The following SUCO variants were observed in gnomAD, a reference collection of about 807,000 sequenced individuals.
SUCO encodes the protein SUN domain containing ossification factor, also known as SUN domain-containing ossification factor.
A neutral mutation model predicts 148.1 loss-of-function variants in SUCO; 57 were observed. The ratio of observed to expected loss-of-function variants is 0.38; its 90% confidence interval spans 0.31 to 0.48. SUCO has a LOEUF of 0.48. Among genes scored for constraint, SUCO ranks in the 20% least tolerant of loss-of-function variants. The pLI, the probability that SUCO is intolerant of heterozygous loss-of-function variation, is 0.96. For synonymous variants in SUCO, 470 were observed against 502.7 expected, an observed-to-expected ratio of 0.93 and a Z score of 0.87; for missense variants, 1,331 against 1,468.2, an observed-to-expected ratio of 0.91 and a Z score of 1.53.
At chr1:172,536,211 G>A (rs1652000696) in intron 1 of SUCO, among the ~76,000 whole-genome samples, 1 of 152,154 alleles carries the variant, frequency 6.6e-6, no homozygotes, top group Admixed American at 6.5e-5. Context: ...CAGCTGTTAA[G>A]CTTCGGAGCT....
intron 1 of SUCO, chr1:172,543,080 T>G: frequency 2.2e-6 from 2 of 916,638 alleles, no homozygotes; most frequent in Non-Finnish European, 2.6e-6. Flanking sequence ...TTCATACTTG[T>G]ATGCTGCAAC....
At position 172,608,910 on chromosome 1, in the gene SUCO, T is replaced by A. The variant is rs145876292; in HGVS notation, c.3321+108T>A. 738 of 763,454 alleles carry A rather than the reference T, an allele frequency of 9.7e-4. 7 individuals are homozygous for A. In the East Asian group the frequency reaches 0.018, roughly 18 times the overall value. The allele number at this position is 763,454 out of a possible 1,614,324, so 47.3% of individuals were successfully genotyped here. A position where few individuals can be genotyped will look rare whatever the true frequency, so the allele number is the denominator to read the frequency against. On this transcript the variant is annotated intron_variant, in intron 23 of 23. Transcript: ENST00000263688. Reference sequence around the variant, plus strand: ...TACCTTTAAGTAGTCCTTAACTGAATGTTTATTTTCTATCATGATAATGTT... The same window carrying A: ...TACCTTTAAGTAGTCCTTAACTGAAAGTTTATTTTCTATCATGATAATGTT...
At chr1:172,590,322 T>A (rs1571267727) in intron 18 of SUCO, 1 of 984,352 alleles carries the variant, frequency 1.0e-6, no homozygotes. Context: ...CTTAAGAGTT[T>A]AGATAAGTGA....
chr1:172,564,675 C>G (rs374420049), intron 6 of SUCO, among the ~76,000 whole-genome samples: 2 of 151,702 alleles, frequency 1.3e-5, no homozygotes, highest in Non-Finnish European at 2.9e-5. Context: ...TGGACTAATA[C>G]GTTGTCCTAT....
chr1:172,602,104 T>C lies in SUCO; in HGVS notation c.3059T>C (p.Leu1020Pro). Residue 1020 changes from leucine to proline, a missense_variant, in exon 21 of 24, where the codon CTT (leucine) becomes CCT (proline). By Grantham distance (98) the Leu-to-Pro change is moderately conservative. Around this residue, in one of 3 missense-constraint regions of SUCO, gnomAD observed 334 missense variants for 352.3 expected, o/e 0.95. Coordinates refer to ENST00000263688, the MANE Select transcript of SUCO (RefSeq NM_014283.5). ...AGCTATCTTGTCATATCTTTGGTTC[T>C]TTGTGTTGTCTTGGGACTGATGCTT... The part of the protein sequence containing the change: ...RQSYLVISLV[L>P]CVVLGLMLCM... 6.2e-7 allele frequency: 1 copy of C among 1,613,214 alleles called. No homozygotes were observed. Among genetic ancestry groups the C allele is most frequent in the Non-Finnish European group, 8.5e-7 (1 of 1,179,662 alleles).
chr1:172,595,257 T>C (rs927019384), intron 19 of SUCO, among the ~76,000 whole-genome samples: 2 of 152,232 alleles, frequency 1.3e-5, no homozygotes, highest in Non-Finnish European at 2.9e-5. Flanking sequence ...TGTCTTTTAA[T>C]TGGAGCTTTT....
intron 23 of SUCO, chr1:172,609,588 G>A (rs182006073): frequency 1.0e-6 from 1 of 985,054 alleles, no homozygotes; most frequent in African/African-American, 1.7e-5. Context: ...ATATTCATAG[G>A]TAGCAGGTAA....
At chr1:172,587,974 C>A in intron 17 of SUCO, 1 of 531,288 alleles carries the variant, frequency 1.9e-6, no homozygotes, top group Non-Finnish European at 2.4e-6. Context: ...ACATACTCCA[C>A]AGCCTCAAAA....
In SUCO at chr1:172,550,158, T is replaced by G. The variant is rs1653181608; in HGVS notation, c.63-1354T>G. Among the ~76,000 whole-genome samples, 4 of 151,972 alleles carry G rather than the reference T, an allele frequency of 2.6e-5. No homozygotes were observed. In the South Asian group the frequency reaches 8.3e-4, roughly 31 times the overall value. On this transcript the variant is annotated intron_variant, in intron 1 of 23. Transcript: ENST00000263688. ...TTGCTGTAATTACTGTAGTTTCATATAGATCTAGCCCCTCATATAAGAATA... is the reference window on the plus strand; with the variant it reads ...TTGCTGTAATTACTGTAGTTTCATAGAGATCTAGCCCCTCATATAAGAATA...
At chr1:172,587,171 ATAT>A (rs928548286) in intron 17 of SUCO, among the ~76,000 whole-genome samples, 7 of 151,964 alleles carry the variant, frequency 4.6e-5, no homozygotes, top group African/African-American at 1.7e-4. Context: ...TTATTTTTCC[ATAT>A]TAGTTTTTTA....
intron 19 of SUCO, among the ~76,000 whole-genome samples, chr1:172,596,837 C>G (rs1657138796): frequency 6.6e-6 from 1 of 152,228 alleles, no homozygotes. Context: ...ACGTTTAAGT[C>G]TGCAGAAATT....
rs371342433 is a variant in SUCO, at chr1:172,555,913, C to A, written c.333C>A (p.Leu111=). Residue 111 remains leucine, a synonymous_variant, in exon 4 of 24, where the codon CTC becomes CTA. Coordinates refer to ENST00000263688, the MANE Select transcript of SUCO (RefSeq NM_014283.5). The part of the protein sequence containing the change: ...KKLSPPVVET[L]PTVDLHEESS... The stretch of plus-strand genomic sequence containing the variant: ...TAAGTCCACCGGTGGTGGAGACACT[C>A]CCTACAGTTGATTTGCATGAAGAGT... 1.2e-5 allele frequency: 20 copies of A among 1,612,350 alleles called. No homozygotes were observed. Among genetic ancestry groups the A allele is most frequent in the Admixed American group, 1.7e-5 (1 of 59,964 alleles).
At chr1:172,537,165 AT>A (rs1221339317) in intron 1 of SUCO, among the ~76,000 whole-genome samples, 1 of 152,190 alleles carries the variant, frequency 6.6e-6, no homozygotes, top group East Asian at 1.9e-4. Context: ...GTGTCCCTTA[AT>A]TAGTAAAACC....
chr1:172,610,509 TAA>T lies in SUCO; in HGVS notation c.*251_*252del, dbSNP rs1658151161. ...TTATAAAGATGTTTTTTCACAAGATTAATTACTGGGACAAAAGTAATTTGGAA... is the reference window on the plus strand; with the variant it reads ...TTATAAAGATGTTTTTTCACAAGATTTTACTGGGACAAAAGTAATTTGGAA... On this transcript the variant is annotated 3_prime_UTR_variant, in exon 24 of 24. Coordinates refer to ENST00000263688, the MANE Select transcript of SUCO (RefSeq NM_014283.5). 11 of 400,412 alleles carry T rather than the reference TAA, an allele frequency of 2.7e-5. No homozygotes were observed. The South Asian group carries it at 7.2e-4, about 26-fold the overall frequency. 24.8% of individuals were successfully genotyped at this position (400,412 alleles called of 1,614,324 possible).
rs1195180940 is a variant in SUCO, at chr1:172,533,228, TG to T, written c.-207del. The stretch of plus-strand genomic sequence containing the variant: ...AGCGGCGGCGGTCCCCGGAGTCCTG[TG>T]AAGCGCCCCTGTCCGCGCCTCTGTG... On this transcript the variant is annotated 5_prime_UTR_variant, in exon 1 of 24. It removes the in-frame stop codon of an upstream open reading frame in the 5' UTR. Coordinates refer to ENST00000263688, the MANE Select transcript of SUCO (RefSeq NM_014283.5). 1 of 1,543,568 alleles carries T rather than the reference TG, an allele frequency of 6.5e-7. No individual in the cohort carries two copies. Among genetic ancestry groups the T allele is most frequent in the African/African-American group, 1.4e-5 (1 of 72,738 alleles).
chr1:172,594,032 ATTTC>A, intron 19 of SUCO, among the ~76,000 whole-genome samples: 1 of 152,042 alleles, frequency 6.6e-6, no homozygotes, highest in African/African-American at 2.4e-5. Context: ...GAATTTATCC[ATTTC>A]TTCTGGATTT....
intron 1 of SUCO, among the ~76,000 whole-genome samples, chr1:172,536,772 C>G (rs1652052045): frequency 1.3e-5 from 2 of 152,096 alleles, no homozygotes; most frequent in African/African-American, 4.8e-5. Flanking sequence ...TTTGGAGGCT[C>G]TGAGGGGAGA....
chr1:172,588,156 C>T (rs1306711781), intron 17 of SUCO: 1 of 985,090 alleles, frequency 1.0e-6, no homozygotes. Context: ...AGTAGATAAT[C>T]CTATGTGTGT....
chr1:172,567,749 A>G (rs1654658911), intron 6 of SUCO, among the ~76,000 whole-genome samples: 1 of 152,194 alleles, frequency 6.6e-6, no homozygotes, highest in South Asian at 2.1e-4. Context: ...GTATTTAGGG[A>G]TTATGCACAT....
Sources: allele counts gnomAD v4.1 joint callset (sites outside exome capture counted in the v4.1 genomes callset), GRCh38; gene constraint gnomAD v4.1.1; regional missense constraint gnomAD v4.1.1; transcripts MANE v1.5; gene names NCBI Gene and HGNC (gene_info 2026-07-23, HGNC 2026-07-21).